PTPRQ: variants seen among roughly 807,000 people sequenced by gnomAD.
PTPRQ encodes protein tyrosine phosphatase receptor type Q.
PTPRQ carries 199 observed loss-of-function variants against 246.0 expected under a neutral mutation model. The ratio of observed to expected loss-of-function variants is 0.81; its 90% CI spans 0.72 to 0.91. The LOEUF (loss-of-function observed/expected upper bound fraction) is 0.91, where lower values mean the gene tolerates loss of function less well. Ranked by LOEUF, PTPRQ falls within the 40% of genes least tolerant of loss-of-function variation. The pLI, the probability that PTPRQ is intolerant of heterozygous loss-of-function variation, is 0.00. For synonymous variants in PTPRQ, 869 were observed against 853.2 expected (o/e 1.02, Z -0.32); for missense variants, 2,624 against 2,528.4 (o/e 1.04, Z -0.81).
At position 80,542,781 on chromosome 12, in the gene PTPRQ, T is replaced by C; in HGVS notation, c.3773T>C (p.Phe1258Ser). The C allele has an allele frequency of 6.5e-7, 1 of 1,549,626 alleles. No individual in the cohort carries two copies. The highest frequency in any genetic ancestry group is 2.5e-5 in the East Asian group (1 of 40,766). The change falls in exon 23 of 45, where the codon TTT becomes TCT. Residue 1258 changes from phenylalanine (F) to serine (S), a missense_variant. Coordinates refer to ENST00000644991, the MANE Select transcript of PTPRQ (RefSeq NM_001145026.2). Reference sequence around the variant, plus strand: ...ACTTTAATCAACTGTACTTCAGACTTTGTATGGCTGAAATGGAGCCCAAGT... The same window carrying C: ...ACTTTAATCAACTGTACTTCAGACTCTGTATGGCTGAAATGGAGCCCAAGT... ...NLTLINCTSD[F>S]VWLKWSPSPL...
intron 8 of PTPRQ, among the ~76,000 whole-genome samples, chr12:80,474,672 G>T (rs1427352348): frequency 6.6e-6 from 1 of 152,180 alleles, no homozygotes; most frequent in South Asian, 2.1e-4. Context: ...ATGTCATAGA[G>T]TTGCCTATTC....
At chr12:80,461,709 G>T (rs1366133633) in intron 6 of PTPRQ, among the ~76,000 whole-genome samples, 1 of 146,842 alleles carries the variant, frequency 6.8e-6, no homozygotes, top group Non-Finnish European at 1.5e-5. Flanking sequence ...TTATTGGTAG[G>T]GTAATTTCAC....
intron 27 of PTPRQ, among the ~76,000 whole-genome samples, chr12:80,609,793 T>C (rs1898479868): frequency 1.3e-5 from 2 of 150,572 alleles, no homozygotes; most frequent in South Asian, 4.1e-4. Context: ...TATCAAAGTG[T>C]ACTTCAGAAA....
intron 7 of PTPRQ, among the ~76,000 whole-genome samples, chr12:80,471,365 T>C (rs1345508045): frequency 6.6e-6 from 1 of 151,450 alleles, no homozygotes; most frequent in Non-Finnish European, 1.5e-5. Flanking sequence ...TAAAGCAAAG[T>C]CGAAGATTTA....
chr12:80,549,641 G>C lies in PTPRQ; in HGVS notation c.4192G>C (p.Ala1398Pro). Reference protein sequence around the residue: ...DHMYTFIKLLANTSYVFKVRA... With the variant: ...DHMYTFIKLLPNTSYVFKVRA... The stretch of plus-strand genomic sequence containing the variant: ...CATGTACACTTTCATAAAGCTTCTT[G>C]CCAATACCTCATATGTCTTTAAAGT... The change falls in exon 25 of 45, where the codon GCC becomes CCC. Residue 1398 changes from alanine to proline, a missense_variant. Coordinates refer to ENST00000644991, the MANE Select transcript of PTPRQ (RefSeq NM_001145026.2). 6.4e-7 allele frequency: 1 copy of C among 1,551,142 alleles called. No individual in the cohort carries two copies.
chr12:80,503,399 A>C (rs1339932029), intron 14 of PTPRQ, among the ~76,000 whole-genome samples: 1 of 151,844 alleles, frequency 6.6e-6, no homozygotes, highest in Non-Finnish European at 1.5e-5. Flanking sequence ...TAAAAGTATC[A>C]ATATTCTTAA....
intron 17 of PTPRQ, among the ~76,000 whole-genome samples, chr12:80,515,940 A>G (rs372789464): frequency 3.9e-5 from 6 of 152,160 alleles, no homozygotes; most frequent in Admixed American, 2.6e-4. Flanking sequence ...GTTTTAATCC[A>G]TTGCATTTTA....
intron 6 of PTPRQ, among the ~76,000 whole-genome samples, chr12:80,464,165 T>A (rs1893314824): frequency 6.7e-6 from 1 of 149,592 alleles, no homozygotes; most frequent in South Asian, 2.1e-4. Context: ...AATAAAAGGA[T>A]GGAGGAAGAT....
intron 26 of PTPRQ, among the ~76,000 whole-genome samples, chr12:80,596,121 T>C (rs1042904792): frequency 1.4e-4 from 21 of 151,954 alleles, no homozygotes; most frequent in Non-Finnish European, 2.6e-4. Flanking sequence ...TGATGGTCCA[T>C]GAAAGAACAA....
chr12:80,633,405 C>A (rs1006016862), intron 34 of PTPRQ, among the ~76,000 whole-genome samples: 2 of 152,168 alleles, frequency 1.3e-5, no homozygotes, highest in African/African-American at 4.8e-5. Flanking sequence ...TCTTTCCATT[C>A]TCAGCATCAG....
intron 25 of PTPRQ, among the ~76,000 whole-genome samples, chr12:80,571,926 T>C (rs1897156106): frequency 6.6e-6 from 1 of 152,160 alleles, no homozygotes; most frequent in African/African-American, 2.4e-5. Flanking sequence ...ACTGTAGCTT[T>C]ATTATAAGTC....
chr12:80,614,149 A>T (rs1027406550), intron 29 of PTPRQ, among the ~76,000 whole-genome samples: 6 of 149,972 alleles, frequency 4.0e-5, no homozygotes, highest in South Asian at 2.1e-4. Flanking sequence ...AACTCTGCCT[A>T]AAAAAAAGCT....
At chr12:80,605,349 G>A (rs563064615) in intron 27 of PTPRQ, among the ~76,000 whole-genome samples, 169 bp downstream of exon 27, 3 of 151,446 alleles carry the variant, frequency 2.0e-5, no homozygotes, top group South Asian at 4.1e-4. Flanking sequence ...ATAGTAAACA[G>A]GGTATGAGGA....
intron 27 of PTPRQ, among the ~76,000 whole-genome samples, chr12:80,609,203 T>A (rs1218788771): frequency 2.0e-5 from 3 of 150,572 alleles, no homozygotes; most frequent in Non-Finnish European, 3.0e-5. Flanking sequence ...TTTATTTACA[T>A]TACCTCAGCA....
At chr12:80,564,286 G>A (rs1896918162) in intron 25 of PTPRQ, among the ~76,000 whole-genome samples, 1 of 152,048 alleles carries the variant, frequency 6.6e-6, no homozygotes, top group Non-Finnish European at 1.5e-5. Flanking sequence ...TAGGATATAT[G>A]AGACAAAAAG....
chr12:80,594,466 A>C (rs1897902731), intron 26 of PTPRQ, among the ~76,000 whole-genome samples: 1 of 152,160 alleles, frequency 6.6e-6, no homozygotes, highest in Admixed American at 6.6e-5. Context: ...AAAATCTTCT[A>C]AATTAGTTAC....
At chr12:80,490,392 A>G (rs1265563049) in intron 9 of PTPRQ, among the ~76,000 whole-genome samples, 1 of 152,034 alleles carries the variant, frequency 6.6e-6, no homozygotes, top group African/African-American at 2.4e-5. Flanking sequence ...GAAGATTACT[A>G]CATGTAAAAT....
At chr12:80,599,858 A>G (rs1218857044) in intron 26 of PTPRQ, among the ~76,000 whole-genome samples, 2 of 150,482 alleles carry the variant, frequency 1.3e-5, no homozygotes, top group Non-Finnish European at 3.0e-5. Context: ...GTTATATATT[A>G]TATATTAATA....
intron 25 of PTPRQ, among the ~76,000 whole-genome samples, chr12:80,571,082 T>C (rs781492744): frequency 2.6e-5 from 4 of 152,196 alleles, no homozygotes; most frequent in Non-Finnish European, 5.9e-5. Flanking sequence ...TTTGGTTCCA[T>C]ATGAAATTTA....
Sources: allele counts gnomAD v4.1 joint callset (sites outside exome capture counted in the v4.1 genomes callset), GRCh38; gene constraint gnomAD v4.1.1; transcripts MANE v1.5; gene names NCBI Gene and HGNC (gene_info 2026-07-23, HGNC 2026-07-21).